Variants in ZNF274 observed in about 807,000 individuals in gnomAD.
ZNF274 encodes the protein neurotrophin receptor-interacting factor homolog.
In ZNF274, 23 loss-of-function variants were observed where a neutral mutation model predicts 42.5. The observed-to-expected ratio is 0.54, with a 90% confidence interval of 0.39 to 0.77. The LOEUF is 0.77. Among genes scored for constraint, ZNF274 ranks in the 30% least tolerant of loss-of-function variants. The probability of loss-of-function intolerance (pLI) is 0.00; values close to 1 mark genes in which losing one functional copy is unlikely to be tolerated. For missense variants in ZNF274, 679 were observed against 806.5 expected, an observed-to-expected ratio of 0.84 and a Z score of 1.91; for synonymous variants, 292 against 305.4, an observed-to-expected ratio of 0.96 and a Z score of 0.46.
Position 58,207,638 on chromosome 19 carries a change from G to A in ZNF274, c.739+436G>A, listed in dbSNP as rs77216405. Among the ~76,000 whole-genome samples, 97 of 152,286 alleles carry A rather than the reference G, an allele frequency of 6.4e-4. No homozygotes were observed. The highest frequency in any genetic ancestry group is 5.6e-3 in the East Asian group (29 of 5,186). On this transcript the variant is annotated intron_variant, in intron 5 of 7. Transcript: ENST00000617501. The surrounding 1 kb of genome is among the most constrained non-coding windows in gnomAD (Gnocchi z 5.6). ...GTCTGCAGCTGACACCTGGTGTGGA[G>A]TGGAACTTGGCCAGGGTAAAGAAAG...
intron 4 of ZNF274, among the ~76,000 whole-genome samples, chr19:58,194,945 G>T (rs902497106): frequency 6.6e-6 from 1 of 151,960 alleles, no homozygotes; most frequent in Non-Finnish European, 1.5e-5. Context: ...AGCTTGCAGT[G>T]AGCTGAAATA....
chr19:58,186,534 T>G (rs1446602639), intron 3 of ZNF274, among the ~76,000 whole-genome samples: 1 of 23,710 alleles, frequency 4.2e-5, no homozygotes, highest in African/African-American at 2.8e-4. Flanking sequence ...AGACTCCGTC[T>G]CAAAAAAAAA....
chr19:58,201,156 C>T (rs554216865), intron 4 of ZNF274, among the ~76,000 whole-genome samples: 3 of 151,056 alleles, frequency 2.0e-5, no homozygotes, highest in African/African-American at 4.9e-5. Flanking sequence ...AGGCACATGC[C>T]GCTACGCCTG....
intron 4 of ZNF274, 83 bp from the exon 5 acceptor site, chr19:58,206,637 T>C: frequency 6.9e-7 from 1 of 1,451,884 alleles, no homozygotes; most frequent in Non-Finnish European, 9.2e-7. Flanking sequence ...TGGTTTTGAC[T>C]TGCATTTCCC....
At chr19:58,194,402 A>T in intron 4 of ZNF274, among the ~76,000 whole-genome samples, 1 of 83,870 alleles carries the variant, frequency 1.2e-5, no homozygotes, top group African/African-American at 5.1e-5. Context: ...TTTTTGAGGC[A>T]GGCTCTCACT....
rs2075740540 is a variant in ZNF274, at chr19:58,188,700, A to ATG, written c.256+1659_256+1660insGT. On this transcript the variant is annotated intron_variant, in intron 4 of 7. Transcript: ENST00000617501. ...TGTATATATATATGTATATGTATAT[A>ATG]TATATATATATATATATATATATAA... Among the ~76,000 whole-genome samples the ATG allele has an allele frequency of 3.5e-5, 3 of 85,582 alleles. 1 individual carries two copies. Among genetic ancestry groups the ATG allele is most frequent in the East Asian group, 4.0e-4 (1 of 2,498 alleles). 56.1% of individuals were successfully genotyped at this position (85,582 alleles called of 152,430 possible). A position where few individuals can be genotyped will look rare whatever the true frequency, so the allele number is the denominator to read the frequency against.
At position 58,206,949 on chromosome 19, in the gene ZNF274, G is replaced by C; in HGVS notation, c.486G>C (p.Gln162His). The C allele has an allele frequency of 6.2e-7, 1 of 1,611,488 alleles. No homozygotes were observed. The highest frequency in any genetic ancestry group is 1.7e-5 in the Admixed American group (1 of 59,468). ...CAGGTGACCCTGAGGCCGCGCGCCA[G>C]AGGTTCCGGCAGTTCCGTTATAAGG... The part of the protein sequence containing the change: ...KHPGDPEAAR[Q>H]RFRQFRYKDM... The change falls in exon 5 of 8, where the codon CAG becomes CAC. Residue 162 changes from glutamine (Q) to histidine (H), a missense_variant. Around this residue, in one of 2 missense-constraint regions of ZNF274, gnomAD observed 223 missense variants for 216.4 expected, o/e 1.03. Transcript: ENST00000617501.
chr19:58,185,679 G>A, intron 2 of ZNF274, 33 bp from the exon 3 acceptor site: 1 of 1,402,844 alleles, frequency 7.1e-7, no homozygotes, highest in Non-Finnish European at 9.4e-7. Context: ...GGATGCGGAT[G>A]GCCTGTGGCT....
chr19:58,207,993 C>A lies in ZNF274; in HGVS notation c.739+791C>A. The A allele has an allele frequency of 6.6e-6, 1 of 152,594 alleles. No homozygotes were observed. The highest frequency in any genetic ancestry group is 1.5e-5 in the Non-Finnish European group (1 of 68,252). 9.5% of individuals were successfully genotyped at this position (152,594 alleles called of 1,614,324 possible). On this transcript the variant is annotated intron_variant, in intron 5 of 7. Coordinates refer to ENST00000617501, the MANE Select transcript of ZNF274 (RefSeq NM_133502.3). This position sits in a 1 kb window ranked among gnomAD's most constrained non-coding sequence, Gnocchi z 5.6. ...GGCTACCCGCAGCTATTGCCATGCC[C>A]TCTGATGGGGTGGTGTCTTGGATAG...
At chr19:58,185,575 C>T (rs2075687908) in intron 2 of ZNF274, 137 bp from the exon 3 acceptor site, 6 of 923,856 alleles carry the variant, frequency 6.5e-6, no homozygotes, top group Non-Finnish European at 9.0e-6. Flanking sequence ...GACAGGAACT[C>T]AGGATGAGAC....
At chr19:58,194,815 T>A (rs2075821661) in intron 4 of ZNF274, among the ~76,000 whole-genome samples, 1 of 151,998 alleles carries the variant, frequency 6.6e-6, no homozygotes, top group Non-Finnish European at 1.5e-5. Context: ...CCATCCTGGC[T>A]AACACGGAAA....
At chr19:58,190,046 C>G (rs1320602764) in intron 4 of ZNF274, among the ~76,000 whole-genome samples, 1 of 151,556 alleles carries the variant, frequency 6.6e-6, no homozygotes, top group Non-Finnish European at 1.5e-5. Flanking sequence ...TCACTTGAAC[C>G]TGGGAGGCAG....
intron 4 of ZNF274, among the ~76,000 whole-genome samples, chr19:58,188,674 G>GTATA (rs1555816846): frequency 1.2e-5 from 1 of 84,906 alleles, no homozygotes; most frequent in African/African-American, 6.0e-5. Flanking sequence ...GTGTGTGTGT[G>GTATA]TGTATATATA....
rs776839666 is a variant in ZNF274 at position 58,212,437 on chromosome 19, T to G, written c.1256T>G (p.Leu419Arg). Residue 419 changes from leucine (L) to arginine (R), a missense_variant, in exon 8 of 8, where the codon CTC becomes CGC. By Grantham distance (102) the Leu-to-Arg change is moderately radical. Coordinates refer to ENST00000617501, the MANE Select transcript of ZNF274 (RefSeq NM_133502.3). The surrounding 1 kb of genome is among the most constrained non-coding windows in gnomAD (Gnocchi z 4.6). ...GCTCTTGACACAAACCAAGTTTCGCTCCAGAAAATTGACAACCCTGAGTCC... is the reference window on the plus strand; with the variant it reads ...GCTCTTGACACAAACCAAGTTTCGCGCCAGAAAATTGACAACCCTGAGTCC... The part of the protein sequence containing the change: ...SGALDTNQVS[L>R]QKIDNPESQA... 11 of 1,612,608 alleles carry G rather than the reference T, an allele frequency of 6.8e-6. No individual in the cohort carries two copies. The Middle Eastern group carries it at 5.0e-4, about 73-fold the overall frequency.
At chr19:58,187,598 T>G (rs2075715587) in intron 4 of ZNF274, among the ~76,000 whole-genome samples, 1 of 152,284 alleles carries the variant, frequency 6.6e-6, no homozygotes, top group Non-Finnish European at 1.5e-5. Context: ...ATTGTTTTTT[T>G]GTAGAGACAG....
chr19:58,212,961 C>G lies in ZNF274; in HGVS notation c.1780C>G (p.Gln594Glu), dbSNP rs1317550958. Residue 594 changes from glutamine (Q) to glutamate (E), a missense_variant, in exon 8 of 8, where the codon CAG becomes GAG. Gln to Glu is a conservative substitution (Grantham distance 29). Transcript: ENST00000617501. The surrounding 1 kb of genome is among the most constrained non-coding windows in gnomAD (Gnocchi z 4.6). Reference sequence around the variant, plus strand: ...CACTGGCGCTAAGCCCTACAAGTGTCAGGACTGTGGAAAAGCCTTCCGCCA... The same window carrying G: ...CACTGGCGCTAAGCCCTACAAGTGTGAGGACTGTGGAAAAGCCTTCCGCCA... Reference protein sequence around the residue: ...THTGAKPYKCQDCGKAFRQSS... With the variant: ...THTGAKPYKCEDCGKAFRQSS... 3 of 1,614,012 alleles carry G rather than the reference C, an allele frequency of 1.9e-6. No individual in the cohort carries two copies. The highest frequency in any genetic ancestry group is 2.5e-6 in the Non-Finnish European group (3 of 1,179,894).
chr19:58,194,099 C>CA (rs887458116), intron 4 of ZNF274, among the ~76,000 whole-genome samples: 5 of 151,692 alleles, frequency 3.3e-5, no homozygotes, highest in African/African-American at 1.2e-4. Flanking sequence ...CAAGTCTCTG[C>CA]AAAAAAATAA....
chr19:58,210,119 AGGCAGG>A, intron 6 of ZNF274, 46 bp downstream of exon 6: 1 of 1,530,760 alleles, frequency 6.5e-7, no homozygotes, highest in Non-Finnish European at 9.0e-7. Context: ...ATCTCCTGTG[AGGCAGG>A]CCCACCCCTG....
chr19:58,192,153 G>A (rs1357853151), intron 4 of ZNF274, among the ~76,000 whole-genome samples: 1 of 152,166 alleles, frequency 6.6e-6, no homozygotes, highest in Non-Finnish European at 1.5e-5. Context: ...GGCACCATTT[G>A]AGGTGACTGT....
Sources: allele counts gnomAD v4.1 joint callset (sites outside exome capture counted in the v4.1 genomes callset), GRCh38; gene constraint gnomAD v4.1.1; regional missense constraint gnomAD v4.1.1; non-coding constraint Gnocchi (gnomAD v3.1); transcripts MANE v1.5; gene names NCBI Gene and HGNC (gene_info 2026-07-23, HGNC 2026-07-21).